VTI1A: variants seen among roughly 807,000 people sequenced by gnomAD.
The protein encoded by VTI1A is vesicle transport through interaction with t-SNAREs 1A, also known as vesicle transport through interaction with t-SNAREs homolog 1A.
Under a neutral mutation model 34.9 loss-of-function variants are expected in VTI1A, and 22 were observed. The ratio of observed to expected loss-of-function variants is 0.63; its 90% CI spans 0.45 to 0.90. The LOEUF is 0.90. VTI1A is among the 40% of genes least tolerant of loss of function. VTI1A has a pLI of 0.00. For missense variants in VTI1A, 268 were observed against 275.6 expected, an observed-to-expected ratio of 0.97 and a Z score of 0.20; for synonymous variants, 87 against 97.3, an observed-to-expected ratio of 0.89 and a Z score of 0.62.
chr10:112,500,161 G>A (rs1849175636), intron 3 of VTI1A, among the ~76,000 whole-genome samples: 1 of 152,158 alleles, frequency 6.6e-6, no homozygotes, highest in Non-Finnish European at 1.5e-5. Context: ...CCAAGGCCGG[G>A]TGTGGTGACT....
chr10:112,527,147 A>G lies in VTI1A; in HGVS notation c.325A>G (p.Asn109Asp). ...VRNELLGDDG[N>D]SSENQRAHLL... ...GAATGAGCTCCTGGGGGATGATGGG[A>G]ATTCCTCAGAGAACCAGGTAGAATG... The change falls in exon 4 of 8, where the codon AAT becomes GAT. Residue 109 changes from asparagine to aspartate, a missense_variant. Physicochemically the swap from Asn to Asp is conservative, Grantham distance 23 (BLOSUM62 1). Coordinates refer to ENST00000393077, the MANE Select transcript of VTI1A (RefSeq NM_145206.4). 7 of 1,613,482 alleles carry G rather than the reference A, an allele frequency of 4.3e-6. No individual in the cohort carries two copies. Among genetic ancestry groups the G allele is most frequent in the Non-Finnish European group, 5.9e-6 (7 of 1,179,658 alleles).
chr10:112,769,521 T>G (rs1029439636), intron 7 of VTI1A, among the ~76,000 whole-genome samples: 2 of 152,204 alleles, frequency 1.3e-5, no homozygotes, highest in African/African-American at 2.4e-5. Context: ...TTGCCAGCAG[T>G]AGCCTCCTAG....
chr10:112,816,732 A>G lies in VTI1A; in HGVS notation c.*1349A>G. 1 of 226,682 alleles carries G rather than the reference A, an allele frequency of 4.4e-6. No individual in the cohort carries two copies. Among genetic ancestry groups the G allele is most frequent in the Non-Finnish European group, 8.8e-6 (1 of 113,880 alleles). The allele number at this position is 226,682 out of a possible 1,614,324, so 14.0% of individuals were successfully genotyped here. ...TATAATTAGAAGCTTTGAATCCTTGAAAAGCAAACCTGTTCTCTTCATCAA... is the reference window on the plus strand; with the variant it reads ...TATAATTAGAAGCTTTGAATCCTTGGAAAGCAAACCTGTTCTCTTCATCAA... On this transcript the variant is annotated 3_prime_UTR_variant, in exon 8 of 8. Coordinates refer to ENST00000393077, the MANE Select transcript of VTI1A (RefSeq NM_145206.4).
the VTI1A span, among the ~76,000 whole-genome samples, chr10:112,838,719 G>A: frequency 4.3e-4 from 66 of 152,278 alleles, no homozygotes; most frequent in Non-Finnish European, 8.4e-4. Context: ...AGCAGGCCTC[G>A]GTCACCGGGC....
At chr10:112,531,114 TGC>T (rs142898727) in intron 4 of VTI1A, among the ~76,000 whole-genome samples, 4 of 113,958 alleles carry the variant, frequency 3.5e-5, no homozygotes, top group Admixed American at 2.6e-4. Context: ...CGTGCGCACG[TGC>T]GCGCGCGCGC....
At chr10:112,625,294 A>G (rs2134590091) in intron 5 of VTI1A, among the ~76,000 whole-genome samples, 1 of 152,306 alleles carries the variant, frequency 6.6e-6, no homozygotes, top group South Asian at 2.1e-4. Flanking sequence ...AGGAAGAGCT[A>G]GTGACCTGGA....
chr10:112,682,681 C>T (rs1240786377), intron 7 of VTI1A, among the ~76,000 whole-genome samples: 1 of 152,232 alleles, frequency 6.6e-6, no homozygotes, highest in Admixed American at 6.5e-5. Flanking sequence ...TGGATCCAGA[C>T]TAGATTCTGG....
At chr10:112,518,589 C>A (rs10082480) in intron 3 of VTI1A, among the ~76,000 whole-genome samples, 45,673 of 92,102 alleles carry the variant, frequency 0.5, 10,388 homozygotes, top group African/African-American at 0.63. Context: ...CTCTCTCTCT[C>A]TATATATATA....
intron 7 of VTI1A, among the ~76,000 whole-genome samples, chr10:112,672,467 C>T (rs1020446853): frequency 6.6e-6 from 1 of 152,130 alleles, no homozygotes; most frequent in Non-Finnish European, 1.5e-5. Context: ...GGAGAGCCAT[C>T]CAGGGACAAA....
intron 7 of VTI1A, among the ~76,000 whole-genome samples, chr10:112,776,175 T>A (rs1006050849): frequency 1.3e-5 from 2 of 152,202 alleles, no homozygotes; most frequent in South Asian, 4.1e-4. Flanking sequence ...GGAGTAAGAT[T>A]GTTTTACAGC....
chr10:112,792,716 T>G (rs1852527283), intron 7 of VTI1A, among the ~76,000 whole-genome samples: 2 of 152,224 alleles, frequency 1.3e-5, no homozygotes, highest in South Asian at 4.1e-4. Flanking sequence ...CTCCTGGCTG[T>G]GTCAGTGAAT....
intron 5 of VTI1A, among the ~76,000 whole-genome samples, chr10:112,542,802 A>G (rs1850916184): frequency 6.6e-6 from 1 of 151,820 alleles, no homozygotes; most frequent in African/African-American, 2.4e-5. Context: ...CAAACCTAGG[A>G]TTCTCCTAAT....
chr10:112,737,723 A>G lies in VTI1A; in HGVS notation c.560+68725A>G. 4 of 1,059,222 alleles carry G rather than the reference A, an allele frequency of 3.8e-6. No homozygotes were observed. The South Asian group carries it at 1.4e-4, about 36-fold the overall frequency. The allele number at this position is 1,059,222 out of a possible 1,614,324, so 65.6% of individuals were successfully genotyped here. A position where few individuals can be genotyped will look rare whatever the true frequency, so the allele number is the denominator to read the frequency against. On this transcript the variant is annotated intron_variant, in intron 7 of 7. Coordinates refer to ENST00000393077, the MANE Select transcript of VTI1A (RefSeq NM_145206.4). ...TCACTGAGACCTACAGTGATCTGGAAAATTAAAGCTCTCTGGCCGCCTTTC... is the reference window on the plus strand; with the variant it reads ...TCACTGAGACCTACAGTGATCTGGAGAATTAAAGCTCTCTGGCCGCCTTTC...
intron 5 of VTI1A, among the ~76,000 whole-genome samples, chr10:112,607,992 T>G (rs1395509570): frequency 6.6e-6 from 1 of 152,120 alleles, no homozygotes; most frequent in African/African-American, 2.4e-5. Context: ...AATTGACACC[T>G]CATCACTTCC....
chr10:112,776,677 ATTT>A (rs1161945456), intron 7 of VTI1A, among the ~76,000 whole-genome samples: 2 of 131,276 alleles, frequency 1.5e-5, no homozygotes, highest in Non-Finnish European at 1.6e-5. Context: ...GGCTGACTTA[ATTT>A]TTTTTTTTTT....
chr10:112,574,198 T>C (rs1852247222), intron 5 of VTI1A, among the ~76,000 whole-genome samples: 1 of 152,206 alleles, frequency 6.6e-6, no homozygotes, highest in African/African-American at 2.4e-5. Context: ...TTGGAAGCTG[T>C]TTATTACTTC....
At chr10:112,768,328 A>G (rs953717038) in intron 7 of VTI1A, among the ~76,000 whole-genome samples, 1 of 152,178 alleles carries the variant, frequency 6.6e-6, no homozygotes, top group African/African-American at 2.4e-5. Flanking sequence ...CTTGGGATGA[A>G]TAGAGCAGGA....
downstream of VTI1A, among the ~76,000 whole-genome samples, chr10:112,819,716 C>G (rs1853616748): frequency 6.6e-6 from 1 of 152,104 alleles, no homozygotes; most frequent in Admixed American, 6.6e-5. Context: ...CTTGAAGGGC[C>G]AGGGAGGACA....
chr10:112,765,997 T>C (rs1851636331), intron 7 of VTI1A, among the ~76,000 whole-genome samples: 1 of 152,186 alleles, frequency 6.6e-6, no homozygotes, highest in African/African-American at 2.4e-5. Context: ...CCTAGATGCT[T>C]CTGTCACAGA....
Sources: allele counts gnomAD v4.1 joint callset (sites outside exome capture counted in the v4.1 genomes callset), GRCh38; gene constraint gnomAD v4.1.1; transcripts MANE v1.5; gene names NCBI Gene and HGNC (gene_info 2026-07-23, HGNC 2026-07-21).